Variants in MYO3A observed in about 807,000 individuals in gnomAD.
MYO3A encodes myosin IIIA.
MYO3A carries 180 observed loss-of-function variants against 192.7 expected under a neutral mutation model. The observed-to-expected ratio is 0.93, with a 90% CI of 0.83 to 1.06. The LOEUF (loss-of-function observed/expected upper bound fraction) is 1.06, where lower values mean the gene tolerates loss of function less well. Ranked by LOEUF, MYO3A falls within the 50% of genes least tolerant of loss-of-function variation. The probability of loss-of-function intolerance (pLI) is 0.00; values close to 1 mark genes in which losing one functional copy is unlikely to be tolerated. For missense variants in MYO3A, 1,896 were observed against 1,905.0 expected, an observed-to-expected ratio of 1.00 and a Z score of 0.09; for synonymous variants, 628 against 645.3, an observed-to-expected ratio of 0.97 and a Z score of 0.41.
chr10:26,190,253 A>G (rs941909899), intron 31 of MYO3A, among the ~76,000 whole-genome samples: 1 of 152,238 alleles, frequency 6.6e-6, no homozygotes, highest in South Asian at 2.1e-4. Context: ...TGTCAAAACA[A>G]TGGACAGAAG....
At chr10:26,120,621 T>G in intron 17 of MYO3A, 55 bp from the exon 18 acceptor site, 1 of 1,611,698 alleles carries the variant, frequency 6.2e-7, no homozygotes, top group Non-Finnish European at 8.5e-7. Context: ...CCATAGTCAC[T>G]GGTTGGCTGT....
In MYO3A at chr10:26,124,814, C is replaced by A. The variant is rs75501711; in HGVS notation, c.1904-584C>A. On this transcript the variant is annotated intron_variant, in intron 18 of 34. Coordinates refer to ENST00000642920, the MANE Select transcript of MYO3A (RefSeq NM_017433.5). The stretch of plus-strand genomic sequence containing the variant: ...GCCAAATAAATGTTTGTTCAAACAT[C>A]CAGTTTTAACAAAATTTAGTAATTG... Among the ~76,000 whole-genome samples the A allele has an allele frequency of 2.0e-5, 3 of 152,200 alleles. No homozygotes were observed. The East Asian group carries it at 5.8e-4, about 29-fold the overall frequency.
At chr10:26,011,807 T>C (rs1299349344) in intron 6 of MYO3A, among the ~76,000 whole-genome samples, 3 of 152,116 alleles carry the variant, frequency 2.0e-5, no homozygotes, top group African/African-American at 7.2e-5. Context: ...AGGACACAAC[T>C]ACAGACCAAT....
In MYO3A at chr10:26,125,577, A is replaced by G. The variant is rs1160107939; in HGVS notation, c.2083A>G (p.Asn695Asp). Residue 695 changes from asparagine (N) to aspartate (D), a missense_variant, in exon 19 of 35, where the codon AAC becomes GAC. Asn to Asp is a conservative substitution (Grantham distance 23). Transcript: ENST00000642920. ...CTTTAGTTGGATAGTCAATTGCATT[A>G]ACAGTTTGTTGAAGCATGACTCATC... ...RLFSWIVNCI[N>D]SLLKHDSSPS... The G allele has an allele frequency of 6.2e-7, 1 of 1,614,060 alleles. No homozygotes were observed. Among genetic ancestry groups the G allele is most frequent in the East Asian group, 2.2e-5 (1 of 44,872 alleles).
intron 19 of MYO3A, among the ~76,000 whole-genome samples, chr10:26,125,873 A>G (rs1839189324): frequency 1.3e-5 from 2 of 152,260 alleles, no homozygotes; most frequent in Middle Eastern, 3.4e-3. Context: ...TTAAAATGTG[A>G]TATCTTACTA....
chr10:25,980,684 T>C (rs1016632557), intron 4 of MYO3A, among the ~76,000 whole-genome samples: 3 of 152,174 alleles, frequency 2.0e-5, no homozygotes, highest in African/African-American at 7.2e-5. Context: ...GTCCTTTTTG[T>C]ATATTCTTGG....
In MYO3A at chr10:26,001,864, G is replaced by A. The variant is rs181800621; in HGVS notation, c.508+4606G>A. ...TAGTCAAGCTTGGTCACATGTACCT[G>A]TAACCCCAGCTATTCAGGAGGCTGA... On this transcript the variant is annotated intron_variant, in intron 6 of 34. Transcript: ENST00000642920. 7.2e-5 allele frequency among the ~76,000 whole-genome samples: 11 copies of A among 152,254 alleles called. No homozygotes were observed. In the East Asian group the frequency reaches 2.1e-3, roughly 29 times the overall value.
intron 4 of MYO3A, among the ~76,000 whole-genome samples, chr10:25,977,911 G>A (rs550613608): frequency 6.6e-6 from 1 of 152,248 alleles, no homozygotes; most frequent in Admixed American, 6.5e-5. Context: ...GGAGACAGGA[G>A]TGGGGAGGTT....
chr10:25,987,403 TAATC>T (rs1209129785), intron 4 of MYO3A, among the ~76,000 whole-genome samples: 1 of 152,106 alleles, frequency 6.6e-6, no homozygotes, highest in African/African-American at 2.4e-5. Flanking sequence ...GCAAAAGAAA[TAATC>T]AGTAGAGTTA....
chr10:25,968,959 G>A (rs938902489), intron 4 of MYO3A, among the ~76,000 whole-genome samples: 9 of 152,220 alleles, frequency 5.9e-5, no homozygotes, highest in African/African-American at 2.2e-4. Flanking sequence ...ATGGCCACAG[G>A]CCAGGCATGG....
intron 10 of MYO3A, among the ~76,000 whole-genome samples, chr10:26,044,585 G>A (rs961000939): frequency 6.6e-6 from 1 of 152,294 alleles, no homozygotes; most frequent in South Asian, 2.1e-4. Flanking sequence ...GAGTCATTTT[G>A]CCAAGGATAA....
At position 26,174,381 on chromosome 10, in the gene MYO3A, T is replaced by C. The variant is rs752509865; in HGVS notation, c.4117T>C (p.Ser1373Pro). Residue 1373 changes from serine (S) to proline (P), a missense_variant, in exon 30 of 35, where the codon TCT (serine) becomes CCT (proline). By Grantham distance (74) the Ser-to-Pro change is moderately conservative. Coordinates refer to ENST00000642920, the MANE Select transcript of MYO3A (RefSeq NM_017433.5). ...RQQLRKDKMS[S>P]FKHQRIVTTP... The stretch of plus-strand genomic sequence containing the variant: ...GCAGTTGAGGAAGGACAAGATGTCT[T>C]CTTTTAAGCATCAGAGGATTGTCAC... 6.4e-5 allele frequency: 104 copies of C among 1,614,056 alleles called. No homozygotes were observed. The highest frequency in any genetic ancestry group is 8.6e-5 in the Non-Finnish European group (101 of 1,180,046).
intron 10 of MYO3A, among the ~76,000 whole-genome samples, chr10:26,049,673 CTTTTTTTTTTT>C (rs66467075): frequency 1.4e-5 from 1 of 69,114 alleles, no homozygotes. Flanking sequence ...TTCTTTCTTT[CTTTTTTTTTTT>C]TTTTTTTTTT....
intron 8 of MYO3A, chr10:26,023,274 C>G (rs1842397077): frequency 6.6e-6 from 1 of 152,156 alleles, no homozygotes. Flanking sequence ...AAAGTATTTC[C>G]ATTTCACTAA....
intron 14 of MYO3A, among the ~76,000 whole-genome samples, chr10:26,085,172 G>C (rs543374988): frequency 7.5e-6 from 1 of 133,064 alleles, no homozygotes; most frequent in Non-Finnish European, 1.7e-5. Context: ...ACTAGTTAAG[G>C]GTTTGTCAAT....
intron 6 of MYO3A, among the ~76,000 whole-genome samples, chr10:26,016,139 G>C (rs1161645553): frequency 6.6e-6 from 1 of 152,134 alleles, no homozygotes; most frequent in Admixed American, 6.6e-5. Flanking sequence ...TTGAAGGTCA[G>C]TTATGAGTGT....
chr10:26,142,162 T>C (rs1048236677), intron 20 of MYO3A, among the ~76,000 whole-genome samples: 2 of 152,228 alleles, frequency 1.3e-5, no homozygotes, highest in African/African-American at 4.8e-5. Context: ...TTAAAGAATA[T>C]ATTAAAATAA....
At chr10:26,121,509 G>C (rs555693327) in intron 18 of MYO3A, among the ~76,000 whole-genome samples, 1 of 152,232 alleles carries the variant, frequency 6.6e-6, no homozygotes, top group East Asian at 1.9e-4. Flanking sequence ...CAGTACTTTG[G>C]GAGGCCGAAG....
intron 23 of MYO3A, among the ~76,000 whole-genome samples, chr10:26,149,482 G>A (rs7083433): frequency 0.29 from 43,853 of 151,908 alleles, 6,400 homozygotes; most frequent in African/African-American, 0.33. Flanking sequence ...TGATCCACCC[G>A]CCTCGGCCTC....
Sources: gnomAD v4.1 joint callset for allele counts (sites outside exome capture counted in the v4.1 genomes callset) on GRCh38, gnomAD v4.1.1 for gene constraint, MANE v1.5 for transcripts, NCBI Gene and HGNC (gene_info 2026-07-23, HGNC 2026-07-21) for gene names.